The following AGAP5 variants were observed in gnomAD, a reference collection of about 807,000 sequenced individuals.
AGAP5 encodes the protein ArfGAP with GTPase domain, ankyrin repeat and PH domain 5.
Under a neutral mutation model 27.7 loss-of-function variants are expected in AGAP5, and 8 were observed. The ratio of observed to expected loss-of-function variants is 0.29; its 90% CI spans 0.17 to 0.52. The LOEUF is 0.52. AGAP5 is among the 20% of genes least tolerant of loss of function. The probability of loss-of-function intolerance (pLI) is 0.97; values close to 1 mark genes in which losing one functional copy is unlikely to be tolerated. For synonymous variants in AGAP5, 111 were observed against 338.0 expected (o/e 0.33, Z 7.37); for missense variants, 285 against 880.8 (o/e 0.32, Z 8.56).
intron 4 of AGAP5, among the ~76,000 whole-genome samples, chr10:73,689,459 A>C (rs1408653112): frequency 7.2e-6 from 1 of 138,102 alleles, no homozygotes; most frequent in Non-Finnish European, 1.5e-5. Context: ...ATCGTCTGGG[A>C]TGTGAGGAGC....
At position 73,692,045 on chromosome 10, in the gene AGAP5, G is replaced by A. The variant is rs767192914; in HGVS notation, c.394C>T (p.His132Tyr). 7 of 1,510,290 alleles carry A rather than the reference G, an allele frequency of 4.6e-6. No individual in the cohort carries two copies. The highest frequency in any genetic ancestry group is 6.2e-6 in the Non-Finnish European group (7 of 1,125,970). The allele number at this position is 1,510,290 out of a possible 1,614,324, so 93.6% of individuals were successfully genotyped here. A position where few individuals can be genotyped will look rare whatever the true frequency, so the allele number is the denominator to read the frequency against. ...VEIRRSNCTN[H>Y]VSTERFSQQY... ...TAACTATTTGAGTGTTTACTTACATGGTTTGTACAGTTGCTTCTTCTTATT... is the reference window on the plus strand; with the variant it reads ...TAACTATTTGAGTGTTTACTTACATAGTTTGTACAGTTGCTTCTTCTTATT... The change falls in exon 4 of 8, where the codon CAT becomes TAT. Residue 132 changes from histidine to tyrosine, a missense_variant and splice_region_variant. Transcript: ENST00000374094.
chr10:73,674,762 C>G lies in AGAP5; in HGVS notation c.1898G>C (p.Arg633Pro). The G allele has an allele frequency of 6.2e-7, 1 of 1,612,058 alleles. No individual in the cohort carries two copies. Among genetic ancestry groups the G allele is most frequent in the Non-Finnish European group, 8.5e-7 (1 of 1,179,856 alleles). Reference protein sequence around the residue: ...DGCTALHLACRKGNVVLAQLL... With the variant: ...DGCTALHLACPKGNVVLAQLL... ...CTGTGCCAGGACCACATTCCCCTTG[C>G]GGCAGGCCAGATGGAGCGCCGTGCA... Residue 633 changes from arginine (R) to proline (P), a missense_variant, in exon 8 of 8, where the codon CGC (arginine) becomes CCC (proline). Arg to Pro is a moderately radical substitution (Grantham distance 103). Transcript: ENST00000374094.
At chr10:73,679,395 C>A (rs984786818) in intron 6 of AGAP5, among the ~76,000 whole-genome samples, 48 of 152,130 alleles carry the variant, frequency 3.2e-4, no homozygotes, top group African/African-American at 1.1e-3. Context: ...ATCTCCTGAC[C>A]TTGTGATCCG....
intron 3 of AGAP5, among the ~76,000 whole-genome samples, chr10:73,693,061 T>TG (rs1411313339): frequency 6.6e-6 from 1 of 152,130 alleles, no homozygotes; most frequent in Non-Finnish European, 1.5e-5. Context: ...AAGAGGGACT[T>TG]GGGCCATGCT....
intron 6 of AGAP5, among the ~76,000 whole-genome samples, chr10:73,677,249 G>A (rs1431452418): frequency 6.6e-6 from 1 of 151,414 alleles, no homozygotes; most frequent in East Asian, 1.9e-4. Flanking sequence ...AGTCTTTGAG[G>A]AACTTTAAAC....
chr10:73,688,184 C>G (rs772460816), intron 4 of AGAP5, among the ~76,000 whole-genome samples: 5 of 152,174 alleles, frequency 3.3e-5, no homozygotes, highest in Non-Finnish European at 7.4e-5. Context: ...AAACTGTACA[C>G]CAAAAATGGA....
intron 3 of AGAP5, 111 bp downstream of exon 3, chr10:73,694,625 T>C (rs1316023929): frequency 1.3e-6 from 2 of 1,590,110 alleles, no homozygotes; most frequent in Admixed American, 1.7e-5. Context: ...AGTGAACATG[T>C]GAAAGGGTGA....
At position 73,676,702 on chromosome 10, in the gene AGAP5, A is replaced by G. The variant is rs2081982885; in HGVS notation, c.585+17T>C. On this transcript the variant is annotated intron_variant, in intron 7 of 7. Coordinates refer to ENST00000374094, the MANE Select transcript of AGAP5 (RefSeq NM_001144000.4). ...AGTGTACGATGAAAATAGAACCTCA[A>G]TAAAAGTGCCACTTACCGCAAATGA... 9.8e-7 allele frequency: 1 copy of G among 1,019,736 alleles called. No individual in the cohort carries two copies. The highest frequency in any genetic ancestry group is 1.3e-5 in the South Asian group (1 of 76,074). The allele number at this position is 1,019,736 out of a possible 1,614,324, so 63.2% of individuals were successfully genotyped here. A position where few individuals can be genotyped will look rare whatever the true frequency, so the allele number is the denominator to read the frequency against.
chr10:73,697,843 C>T lies in AGAP5; in HGVS notation c.-88G>A, dbSNP rs1206651600. 6.4e-7 allele frequency: 1 copy of T among 1,571,594 alleles called. No individual in the cohort carries two copies. Among genetic ancestry groups the T allele is most frequent in the South Asian group, 1.1e-5 (1 of 88,842 alleles). On this transcript the variant is annotated 5_prime_UTR_variant, in exon 1 of 8. Coordinates refer to ENST00000374094, the MANE Select transcript of AGAP5 (RefSeq NM_001144000.4). ...ACTGTCCTAGGCCGAGGCTATGCTG[C>T]ACTTGCAGAGATGGTCTTCCCGCTC...
intron 5 of AGAP5, chr10:73,681,270 C>G (rs1438496750): frequency 2.1e-6 from 2 of 974,636 alleles, no homozygotes; most frequent in Non-Finnish European, 2.4e-6. Flanking sequence ...AAATCAGAAT[C>G]TTCTGGGATG....
intron 5 of AGAP5, among the ~76,000 whole-genome samples, chr10:73,680,597 G>A (rs1291438567): frequency 1.4e-5 from 2 of 141,464 alleles, no homozygotes; most frequent in African/African-American, 5.3e-5. Context: ...TTTTTTGGGG[G>A]GGGTGGGTGG....
At chr10:73,689,403 C>T (rs534639460) in intron 4 of AGAP5, among the ~76,000 whole-genome samples, 27 of 151,818 alleles carry the variant, frequency 1.8e-4, no homozygotes, top group African/African-American at 5.1e-4. Context: ...TCTGCCCAGC[C>T]GCCACCCCGT....
At chr10:73,693,746 C>T (rs984530858) in intron 3 of AGAP5, among the ~76,000 whole-genome samples, 56 of 151,528 alleles carry the variant, frequency 3.7e-4, no homozygotes, top group Non-Finnish European at 4.9e-4. Flanking sequence ...TCCCCTCTCT[C>T]CTCCCTCTTT....
At chr10:73,686,961 T>C (rs1589472020) in intron 4 of AGAP5, among the ~76,000 whole-genome samples, 1 of 152,034 alleles carries the variant, frequency 6.6e-6, no homozygotes, top group Non-Finnish European at 1.5e-5. Flanking sequence ...ACAATGGACT[T>C]TGGGGACTTG....
intron 6 of AGAP5, among the ~76,000 whole-genome samples, chr10:73,677,043 A>C (rs1288668603): frequency 6.6e-6 from 1 of 152,148 alleles, no homozygotes; most frequent in African/African-American, 2.4e-5. Flanking sequence ...TAAACCAAAC[A>C]TATTTTCACT....
intron 3 of AGAP5, among the ~76,000 whole-genome samples, chr10:73,693,973 G>C (rs1440788850): frequency 6.6e-6 from 1 of 152,148 alleles, no homozygotes. Context: ...ACTGACTCAA[G>C]ATGGGCAAAG....
intron 4 of AGAP5, among the ~76,000 whole-genome samples, chr10:73,690,574 C>G (rs1443636658): frequency 6.7e-5 from 10 of 150,304 alleles, no homozygotes; most frequent in Non-Finnish European, 8.9e-5. Flanking sequence ...TGCCAAATCC[C>G]CCTCTGCGAG....
In AGAP5 at chr10:73,675,530, A is replaced by C; in HGVS notation, c.1130T>G (p.Phe377Cys). 4.3e-6 allele frequency: 7 copies of C among 1,613,894 alleles called. No homozygotes were observed. In the South Asian group the frequency reaches 7.7e-5, roughly 18 times the overall value. Residue 377 changes from phenylalanine (F) to cysteine (C), a missense_variant, in exon 8 of 8, where the codon TTC becomes TGC. Phe to Cys is a radical substitution (Grantham distance 205). Transcript: ENST00000374094. ...GGTGGTGCTGGAGATACTGGGGCTGAAGCATATGGAGTCACCCAGCCCGGT... is the reference window on the plus strand; with the variant it reads ...GGTGGTGCTGGAGATACTGGGGCTGCAGCATATGGAGTCACCCAGCCCGGT... ...MDTGLGDSIC[F>C]SPSISSTTSP...
At chr10:73,676,201 A>G in intron 7 of AGAP5, 127 bp from the exon 8 acceptor site, 1 of 1,431,252 alleles carries the variant, frequency 7.0e-7, no homozygotes, top group Non-Finnish European at 9.3e-7. Flanking sequence ...TCACACCTGT[A>G]ATCACAGCAC....
Sources: gnomAD v4.1 joint callset for allele counts (sites outside exome capture counted in the v4.1 genomes callset) on GRCh38, gnomAD v4.1.1 for gene constraint, MANE v1.5 for transcripts, NCBI Gene and HGNC (gene_info 2026-07-23, HGNC 2026-07-21) for gene names.